The following AUTS2 variants were observed in gnomAD, a reference collection of about 807,000 sequenced individuals.
AUTS2 encodes the protein activator of transcription and developmental regulator AUTS2.
AUTS2 carries 17 observed loss-of-function variants against 112.4 expected under a neutral mutation model. That is an observed-to-expected ratio of 0.15 (90% CI 0.10 to 0.23). The LOEUF is 0.23. AUTS2 is among the 10% of genes least tolerant of loss of function. The pLI, the probability that AUTS2 is intolerant of heterozygous loss-of-function variation, is 1.00. For synonymous variants in AUTS2, 751 were observed against 702.7 expected (o/e 1.07, Z -1.09); for missense variants, 1,510 against 1,701.6 (o/e 0.89, Z 1.98).
rs1045927171 is a variant in AUTS2 at position 70,284,894 on chromosome 7, T to G, written c.660+150323T>G. Among the ~76,000 whole-genome samples, 111 of 152,344 alleles carry G rather than the reference T, an allele frequency of 7.3e-4. 1 individual carries two copies. Among genetic ancestry groups the G allele is most frequent in the African/African-American group, 2.6e-3 (109 of 41,590 alleles). On this transcript the variant is annotated intron_variant, in intron 4 of 18. Transcript: ENST00000342771. ...TGAGGAATACTGAAATCAAAAACTCTAGACTCCTTCCTGCTTTCTGAGATG... is the reference window on the plus strand; with the variant it reads ...TGAGGAATACTGAAATCAAAAACTCGAGACTCCTTCCTGCTTTCTGAGATG...
intron 4 of AUTS2, among the ~76,000 whole-genome samples, chr7:70,426,136 G>T (rs1045324458): frequency 6.6e-6 from 1 of 152,108 alleles, no homozygotes; most frequent in African/African-American, 2.4e-5. Flanking sequence ...ATATATGAAG[G>T]ATAACGATGT....
intron 5 of AUTS2, among the ~76,000 whole-genome samples, chr7:70,627,433 C>T (rs1166496410): frequency 6.6e-6 from 1 of 152,130 alleles, no homozygotes; most frequent in Admixed American, 6.5e-5. Context: ...ATGTTTTCTC[C>T]CATTCTGTGG....
At chr7:70,629,396 G>A (rs970136511) in intron 5 of AUTS2, among the ~76,000 whole-genome samples, 6 of 152,018 alleles carry the variant, frequency 3.9e-5, no homozygotes, top group South Asian at 2.1e-4. Context: ...CTGCTGAACC[G>A]GGGAGGCCAA....
At chr7:70,225,665 A>T (rs1811723943) in intron 4 of AUTS2, among the ~76,000 whole-genome samples, 1 of 152,204 alleles carries the variant, frequency 6.6e-6, no homozygotes, top group Admixed American at 6.5e-5. Flanking sequence ...ATGTAGCAAA[A>T]CACAAGCAAA....
intron 2 of AUTS2, among the ~76,000 whole-genome samples, chr7:69,924,652 A>G (rs1795936432): frequency 6.6e-6 from 1 of 151,800 alleles, no homozygotes; most frequent in Admixed American, 6.6e-5. Context: ...CCTGGGTTCA[A>G]GCGATTCTCC....
At chr7:70,328,217 G>A (rs147257238) in intron 4 of AUTS2, among the ~76,000 whole-genome samples, 3 of 152,200 alleles carry the variant, frequency 2.0e-5, no homozygotes, top group Non-Finnish European at 4.4e-5. Context: ...TTTGATTTGT[G>A]TGTGGTTTTG....
intron 5 of AUTS2, among the ~76,000 whole-genome samples, chr7:70,672,604 C>A (rs1585480777): frequency 6.6e-6 from 1 of 151,264 alleles, no homozygotes; most frequent in Admixed American, 6.6e-5. Context: ...ATTTCTTTTT[C>A]TTTTTTTTTC....
At chr7:70,400,797 T>C (rs1794294068) in intron 4 of AUTS2, among the ~76,000 whole-genome samples, 3 of 152,224 alleles carry the variant, frequency 2.0e-5, no homozygotes, top group South Asian at 4.2e-4. Context: ...AAAATACATA[T>C]ACCTTGGGCC....
intron 1 of AUTS2, among the ~76,000 whole-genome samples, chr7:69,660,596 T>G (rs1299594031): frequency 6.6e-6 from 1 of 152,118 alleles, no homozygotes; most frequent in Non-Finnish European, 1.5e-5. Flanking sequence ...AGATGCTGAT[T>G]TGGACATGGC....
chr7:69,683,936 A>G (rs1324089304), intron 1 of AUTS2, among the ~76,000 whole-genome samples: 9 of 152,020 alleles, frequency 5.9e-5, no homozygotes, highest in Non-Finnish European at 8.8e-5. Context: ...AACAAAACAA[A>G]TGTTCTCAAG....
chr7:69,852,949 T>TA (rs1347527231), intron 1 of AUTS2, among the ~76,000 whole-genome samples: 1 of 152,190 alleles, frequency 6.6e-6, no homozygotes, highest in Non-Finnish European at 1.5e-5. Flanking sequence ...ATTTTCCTGT[T>TA]ATCTTTCTGT....
At chr7:70,512,515 T>C (rs1190386223) in intron 5 of AUTS2, among the ~76,000 whole-genome samples, 4 of 152,108 alleles carry the variant, frequency 2.6e-5, no homozygotes, top group African/African-American at 9.7e-5. Context: ...TGACAGGGGC[T>C]GTGGAACCGT....
chr7:70,591,659 A>G (rs1802955268), intron 5 of AUTS2, among the ~76,000 whole-genome samples: 1 of 152,070 alleles, frequency 6.6e-6, no homozygotes, highest in Non-Finnish European at 1.5e-5. Flanking sequence ...TCAGCCTCCG[A>G]AAGTGCTGGG....
At chr7:69,601,556 T>TTGG (rs753483852) in intron 1 of AUTS2, among the ~76,000 whole-genome samples, 20 of 151,290 alleles carry the variant, frequency 1.3e-4, no homozygotes, top group African/African-American at 3.2e-4. Flanking sequence ...AAGGGAGGTA[T>TTGG]TGGTGGTGGT....
chr7:70,224,416 A>G (rs1372927346), intron 4 of AUTS2, among the ~76,000 whole-genome samples: 3 of 152,034 alleles, frequency 2.0e-5, no homozygotes, highest in Non-Finnish European at 4.4e-5. Flanking sequence ...ATACCATACA[A>G]TACAATTTAA....
intron 1 of AUTS2, among the ~76,000 whole-genome samples, chr7:69,694,330 A>G (rs1430080830): frequency 6.6e-6 from 1 of 152,148 alleles, no homozygotes; most frequent in Non-Finnish European, 1.5e-5. Context: ...CTACTTTTTA[A>G]AAATTATAAT....
intron 1 of AUTS2, among the ~76,000 whole-genome samples, chr7:69,681,714 T>C (rs764557239): frequency 1.3e-4 from 20 of 152,358 alleles, no homozygotes; most frequent in Non-Finnish European, 2.6e-4. Flanking sequence ...CAAAATCTTA[T>C]TGTTTGTTGT....
intron 5 of AUTS2, among the ~76,000 whole-genome samples, chr7:70,529,561 A>G (rs1799994823): frequency 6.6e-6 from 1 of 152,194 alleles, no homozygotes; most frequent in Admixed American, 6.5e-5. Context: ...GAAATGTCAA[A>G]TCACGCAGAA....
chr7:70,595,551 G>C (rs931170327), intron 5 of AUTS2, among the ~76,000 whole-genome samples: 1 of 152,032 alleles, frequency 6.6e-6, no homozygotes, highest in Non-Finnish European at 1.5e-5. Flanking sequence ...TCTCTGTAAG[G>C]AAGGCAGCCC....
Sources: allele counts gnomAD v4.1 joint callset (sites outside exome capture counted in the v4.1 genomes callset), GRCh38; gene constraint gnomAD v4.1.1; transcripts MANE v1.5; gene names NCBI Gene and HGNC (gene_info 2026-07-23, HGNC 2026-07-21).